The following PRKG1 variants were observed in gnomAD, a reference collection of about 807,000 sequenced individuals.
PRKG1 encodes protein kinase cGMP-dependent 1.
A neutral mutation model predicts 88.1 loss-of-function variants in PRKG1; 35 were observed. The ratio of observed to expected loss-of-function variants is 0.40; its 90% confidence interval spans 0.30 to 0.53. The LOEUF (loss-of-function observed/expected upper bound fraction) is 0.53. Ranked by LOEUF, PRKG1 falls within the 20% of genes least tolerant of loss-of-function variation. The pLI, the probability that PRKG1 is intolerant of heterozygous loss-of-function variation, is 0.59. For synonymous variants in PRKG1, 303 were observed against 292.5 expected, an observed-to-expected ratio of 1.04 and a Z score of -0.37; for missense variants, 540 against 839.8, an observed-to-expected ratio of 0.64 and a Z score of 4.41.
rs539464347 is a variant in PRKG1, at chr10:51,996,115, A to G, written c.763-58369A>G. 2.0e-5 allele frequency among the ~76,000 whole-genome samples: 3 copies of G among 152,126 alleles called. No individual in the cohort carries two copies. In the South Asian group the frequency reaches 6.2e-4, roughly 32 times the overall value. ...ATCACGAGGTCAGGAGTTTGAGACC[A>G]GCCTGGCCAATCCGGTGAAACACCG... On this transcript the variant is annotated intron_variant, in intron 5 of 17. Transcript: ENST00000373980.
chr10:51,942,224 G>A (rs1386374538), intron 5 of PRKG1, among the ~76,000 whole-genome samples: 1 of 151,918 alleles, frequency 6.6e-6, no homozygotes, highest in African/African-American at 2.4e-5. Context: ...ATTTTTTCAC[G>A]TGTTTTTTGG....
At chr10:52,271,200 A>C (rs1165794639) in intron 10 of PRKG1, 150 bp from the exon 11 acceptor site, 1 of 764,856 alleles carries the variant, frequency 1.3e-6, no homozygotes, top group South Asian at 2.2e-5. Flanking sequence ...CCTGGATGTT[A>C]AACGCAGCTC....
At position 51,554,330 on chromosome 10, in the gene PRKG1, ACATATAT is replaced by A. The variant is rs1489050240; in HGVS notation, c.592+86495_592+86501del. On this transcript the variant is annotated intron_variant, in intron 3 of 17. Coordinates refer to ENST00000373980, the MANE Select transcript of PRKG1 (RefSeq NM_006258.4). ...ATATGTACATATATAATATATACAC[ACATATAT>A]TATATACACATATATAATATATACG... 5.5e-5 allele frequency among the ~76,000 whole-genome samples: 7 copies of A among 126,512 alleles called. No individual in the cohort carries two copies. In the East Asian group the frequency reaches 5.1e-3, roughly 92 times the overall value. The allele number at this position is 126,512 out of a possible 152,430, so 83.0% of individuals were successfully genotyped here. A position where few individuals can be genotyped will look rare whatever the true frequency, so the allele number is the denominator to read the frequency against.
intron 1 of PRKG1, among the ~76,000 whole-genome samples, chr10:50,997,373 T>A (rs1437741206): frequency 6.6e-6 from 1 of 152,182 alleles, no homozygotes; most frequent in Non-Finnish European, 1.5e-5. Flanking sequence ...AGGTTGAAAG[T>A]TTACATTTAA....
In PRKG1 at chr10:52,298,180, A is replaced by G. The variant is rs898333324; in HGVS notation, c.*4280A>G. The G allele has an allele frequency of 6.6e-6, 1 of 152,020 alleles. No homozygotes were observed. Among genetic ancestry groups the G allele is most frequent in the African/African-American group, 2.4e-5 (1 of 41,384 alleles). The allele number at this position is 152,020 out of a possible 1,614,324, so 9.4% of individuals were successfully genotyped here. A position where few individuals can be genotyped will look rare whatever the true frequency, so the allele number is the denominator to read the frequency against. On this transcript the variant is annotated 3_prime_UTR_variant, in exon 18 of 18. Transcript: ENST00000373980. The stretch of plus-strand genomic sequence containing the variant: ...AGAGTTCTTTGTTAGTCAGAATGCA[A>G]CAAACTGTCATCAAATGGTCATTGA...
chr10:51,170,823 G>T (rs1404028024), intron 2 of PRKG1, among the ~76,000 whole-genome samples: 1 of 151,920 alleles, frequency 6.6e-6, no homozygotes, highest in Non-Finnish European at 1.5e-5. Context: ...TGATGGTATT[G>T]TAGCCCATTC....
Position 51,764,353 on chromosome 10 carries a change from C to T in PRKG1, c.593-40232C>T, listed in dbSNP as rs113253947. The stretch of plus-strand genomic sequence containing the variant: ...AAAGTACAAAGTGAGATCCTCATGC[C>T]CTGACTTTTCTTCAGATCGAATAAA... On this transcript the variant is annotated intron_variant, in intron 3 of 17. Transcript: ENST00000373980. Among the ~76,000 whole-genome samples, 397 of 151,588 alleles carry T rather than the reference C, an allele frequency of 2.6e-3. 5 individuals carry two copies. The highest frequency in any genetic ancestry group is 0.01 in the Middle Eastern group (3 of 294).
chr10:51,596,864 T>G (rs1185456799), intron 3 of PRKG1, among the ~76,000 whole-genome samples: 1 of 152,182 alleles, frequency 6.6e-6, no homozygotes, highest in Non-Finnish European at 1.5e-5. Context: ...GCTGAAATAA[T>G]GGCTAACAGT....
At chr10:51,821,610 G>T (rs193188917) in intron 4 of PRKG1, among the ~76,000 whole-genome samples, 3 of 151,824 alleles carry the variant, frequency 2.0e-5, no homozygotes, top group Non-Finnish European at 4.4e-5. Flanking sequence ...AATATTTTTA[G>T]CACGTTGACC....
At chr10:51,855,637 T>C (rs1840661716) in intron 4 of PRKG1, among the ~76,000 whole-genome samples, 1 of 152,176 alleles carries the variant, frequency 6.6e-6, no homozygotes, top group South Asian at 2.1e-4. Flanking sequence ...ACCTCATTTT[T>C]CTTTCCATTT....
chr10:52,238,419 C>T (rs1241592300), intron 9 of PRKG1, among the ~76,000 whole-genome samples: 1 of 150,206 alleles, frequency 6.7e-6, no homozygotes, highest in Non-Finnish European at 1.5e-5. Context: ...GCAACCTACT[C>T]ATCTGACAAA....
At chr10:51,240,642 T>C (rs1839127184) in intron 2 of PRKG1, among the ~76,000 whole-genome samples, 1 of 152,140 alleles carries the variant, frequency 6.6e-6, no homozygotes, top group Non-Finnish European at 1.5e-5. Flanking sequence ...ATTGAAGAAA[T>C]ACTTCCAGAT....
chr10:51,289,313 A>C (rs1840522842), intron 2 of PRKG1, among the ~76,000 whole-genome samples: 1 of 151,988 alleles, frequency 6.6e-6, no homozygotes, highest in African/African-American at 2.4e-5. Context: ...GGGAGCCATC[A>C]CCTCTGGGTA....
intron 9 of PRKG1, among the ~76,000 whole-genome samples, chr10:52,166,003 T>A (rs1220497212): frequency 6.6e-6 from 1 of 152,206 alleles, no homozygotes; most frequent in Non-Finnish European, 1.5e-5. Context: ...AGATAATTGT[T>A]CTTGGCAGAA....
At chr10:51,145,501 G>A (rs994683500) in intron 1 of PRKG1, among the ~76,000 whole-genome samples, 2 of 152,168 alleles carry the variant, frequency 1.3e-5, no homozygotes, top group Non-Finnish European at 2.9e-5. Context: ...CTTTACGTTA[G>A]TTCTGTGAAA....
chr10:51,465,868 G>T (rs1035387812), intron 2 of PRKG1, among the ~76,000 whole-genome samples: 1 of 152,294 alleles, frequency 6.6e-6, no homozygotes, highest in African/African-American at 2.4e-5. Context: ...CCAGTGATAA[G>T]AGCAAGCATT....
In PRKG1 at chr10:51,291,985, C is replaced by T. The variant is rs149987764; in HGVS notation, c.478+138655C>T. 3.5e-3 allele frequency among the ~76,000 whole-genome samples: 536 copies of T among 152,232 alleles called. 4 individuals carry two copies. Among genetic ancestry groups the T allele is most frequent in the African/African-American group, 0.012 (514 of 41,552 alleles). Reference sequence around the variant, plus strand: ...AACACTTTGATAATTTGTGGAAACTCTTCTTTTGTGCAAAGCCTTTGTTTA... The same window carrying T: ...AACACTTTGATAATTTGTGGAAACTTTTCTTTTGTGCAAAGCCTTTGTTTA... On this transcript the variant is annotated intron_variant, in intron 2 of 17. Coordinates refer to ENST00000373980, the MANE Select transcript of PRKG1 (RefSeq NM_006258.4).
chr10:51,461,983 C>T (rs893960218), intron 2 of PRKG1, among the ~76,000 whole-genome samples: 2 of 152,188 alleles, frequency 1.3e-5, no homozygotes, highest in African/African-American at 4.8e-5. Context: ...CACAGATGAA[C>T]CCCATCTCCC....
chr10:51,623,324 C>T (rs1403129100), intron 3 of PRKG1, among the ~76,000 whole-genome samples: 1 of 152,186 alleles, frequency 6.6e-6, no homozygotes, highest in Non-Finnish European at 1.5e-5. Context: ...CTTCAGCCTC[C>T]CAAGTAGCTG....
Sources: allele counts gnomAD v4.1 joint callset (sites outside exome capture counted in the v4.1 genomes callset), GRCh38; gene constraint gnomAD v4.1.1; transcripts MANE v1.5; gene names NCBI Gene and HGNC (gene_info 2026-07-23, HGNC 2026-07-21).